CCR9: variants seen among roughly 807,000 people sequenced by gnomAD.
CCR9 encodes the protein C-C motif chemokine receptor 9.
A neutral mutation model predicts 8.7 loss-of-function variants in CCR9; 4 were observed. That is an observed-to-expected ratio of 0.46 (90% confidence interval 0.23 to 1.06). The LOEUF (loss-of-function observed/expected upper bound fraction) is 1.06. CCR9 is among the 50% of genes least tolerant of loss of function. The pLI is 0.21. For synonymous variants in CCR9, 159 were observed against 168.8 expected, an observed-to-expected ratio of 0.94 and a Z score of 0.45; for missense variants, 394 against 453.6, an observed-to-expected ratio of 0.87 and a Z score of 1.19.
rs1027212565 is a variant in CCR9, at chr3:45,900,971, G to T, written c.183G>T (p.Val61=). The change falls in exon 3 of 3, where the codon GTG becomes GTT. Residue 61 remains valine, a synonymous_variant. Coordinates refer to ENST00000357632, the MANE Select transcript of CCR9 (RefSeq NM_031200.3). This position sits in a 1 kb window ranked among gnomAD's most constrained non-coding sequence, Gnocchi z 4.7. The part of the protein sequence containing the change: ...LPPLYWLVFI[V]GALGNSLVIL... ...CCTTGTACTGGCTCGTGTTCATCGT[G>T]GGTGCCTTGGGCAACAGTCTTGTTA... 6.2e-7 allele frequency: 1 copy of T among 1,614,024 alleles called. No individual in the cohort carries two copies. Among genetic ancestry groups the T allele is most frequent in the African/African-American group, 1.3e-5 (1 of 74,910 alleles).
intron 1 of CCR9, among the ~76,000 whole-genome samples, chr3:45,887,933 G>C (rs770223545): frequency 6.6e-6 from 1 of 152,218 alleles, no homozygotes; most frequent in African/African-American, 2.4e-5. Flanking sequence ...ATTGTACAAA[G>C]TTCAAAGTAA....
chr3:45,887,251 C>CTGTG (rs36040178), intron 1 of CCR9, among the ~76,000 whole-genome samples: 3,054 of 149,200 alleles, frequency 0.02, 52 homozygotes, highest in Non-Finnish European at 0.03. Flanking sequence ...GCGTGTGTGT[C>CTGTG]TGTGTGTGTG....
At chr3:45,890,314 TA>T (rs1702125663) in intron 1 of CCR9, among the ~76,000 whole-genome samples, 1 of 61,888 alleles carries the variant, frequency 1.6e-5, no homozygotes, top group African/African-American at 8.8e-5. Context: ...CATATATATA[TA>T]TTTATATAAA....
chr3:45,898,088 C>T (rs537009347), intron 2 of CCR9, among the ~76,000 whole-genome samples: 5 of 151,808 alleles, frequency 3.3e-5, no homozygotes, highest in Non-Finnish European at 7.4e-5. Context: ...ACAGTCGGTA[C>T]TTGCTCATCT....
intron 2 of CCR9, 74 bp downstream of exon 2, chr3:45,895,028 T>A: frequency 7.0e-7 from 1 of 1,431,206 alleles, no homozygotes; most frequent in Non-Finnish European, 9.9e-7. Flanking sequence ...GTGGGAAGGA[T>A]CCACTGTGGG....
intron 2 of CCR9, chr3:45,897,712 T>C: frequency 1.0e-6 from 1 of 995,642 alleles, no homozygotes; most frequent in Non-Finnish European, 1.4e-6. Flanking sequence ...AAGTCGTCCC[T>C]TGTGCTTGTC....
In CCR9 at chr3:45,902,089, G is replaced by A. The variant is rs1294136786; in HGVS notation, c.*191G>A. On this transcript the variant is annotated 3_prime_UTR_variant, in exon 3 of 3. Transcript: ENST00000357632. ...CAAAATCAACTGACTAGTGCAGGAG[G>A]CTGTTGATTGGCTCTTGACTGTGAT... is the stretch of plus-strand genomic sequence containing the variant. 3.6e-6 allele frequency: 2 copies of A among 559,866 alleles called. No individual in the cohort carries two copies. The highest frequency in any genetic ancestry group is 3.8e-5 in the African/African-American group (2 of 52,744). The allele number at this position is 559,866 out of a possible 1,614,324, so 34.7% of individuals were successfully genotyped here.
intron 1 of CCR9, among the ~76,000 whole-genome samples, chr3:45,890,491 A>C (rs1279770568): frequency 6.7e-6 from 1 of 149,106 alleles, no homozygotes; most frequent in African/African-American, 2.5e-5. Flanking sequence ...CATCTGGGGC[A>C]AAAAAAAGAA....
At position 45,901,918 on chromosome 3, in the gene CCR9, A is replaced by G. The variant is rs1702573785; in HGVS notation, c.*20A>G. On this transcript the variant is annotated 3_prime_UTR_variant, in exon 3 of 3. Coordinates refer to ENST00000357632, the MANE Select transcript of CCR9 (RefSeq NM_031200.3). This position sits in a 1 kb window ranked among gnomAD's most constrained non-coding sequence, Gnocchi z 4.3. ...CTCTGAGGGGTCTTCTCTGAGGTGC[A>G]TGGTTCTTTTGGAAGAAATGAGAAA... is the stretch of plus-strand genomic sequence containing the variant. 1.3e-6 allele frequency: 2 copies of G among 1,538,080 alleles called. No homozygotes were observed. Among genetic ancestry groups the G allele is most frequent in the South Asian group, 2.5e-5 (2 of 79,264 alleles).
chr3:45,900,960 GT>G lies in CCR9; in HGVS notation c.173del (p.Val58GlyfsTer22). ...TTTCCTCCCACCCTTGTACTGGCTC[GT>G]GTTCATCGTGGGTGCCTTGGGCAAC... ...SHFLPPLYWL[V>X]FIVGALGNSL... On this transcript the variant is annotated frameshift_variant, in exon 3 of 3. Transcript: ENST00000357632. LOFTEE classifies it low-confidence loss of function (END_TRUNC). This position sits in a 1 kb window ranked among gnomAD's most constrained non-coding sequence, Gnocchi z 4.7. The G allele has an allele frequency of 6.2e-7, 1 of 1,610,850 alleles. No homozygotes were observed.
intron 2 of CCR9, among the ~76,000 whole-genome samples, chr3:45,895,891 G>C (rs936029343): frequency 3.3e-5 from 5 of 152,166 alleles, no homozygotes; most frequent in Admixed American, 1.3e-4. Context: ...GGGAAAGCCT[G>C]GGTTTTACAT....
At chr3:45,896,082 C>T (rs1702347345) in intron 2 of CCR9, among the ~76,000 whole-genome samples, 1 of 152,174 alleles carries the variant, frequency 6.6e-6, no homozygotes, top group Non-Finnish European at 1.5e-5. Flanking sequence ...CACCTATATC[C>T]ATAACAACAA....
chr3:45,900,959 C>A lies in CCR9; in HGVS notation c.171C>A (p.Leu57=). 6.2e-7 allele frequency: 1 copy of A among 1,614,192 alleles called. No homozygotes were observed. The highest frequency in any genetic ancestry group is 8.5e-7 in the Non-Finnish European group (1 of 1,180,024). The change falls in exon 3 of 3, where the codon CTC becomes CTA. Residue 57 remains leucine (L), a synonymous_variant. Coordinates refer to ENST00000357632, the MANE Select transcript of CCR9 (RefSeq NM_031200.3). The surrounding 1 kb of genome is among the most constrained non-coding windows in gnomAD (Gnocchi z 4.7). ...ATTTCCTCCCACCCTTGTACTGGCT[C>A]GTGTTCATCGTGGGTGCCTTGGGCA... ...ASHFLPPLYW[L]VFIVGALGNS... is the part of the protein sequence containing the mutation.
rs1201223617 is a variant in CCR9 at position 45,890,315 on chromosome 3, ATT to A, written c.-29+3662_-29+3663del. ...AAATATATATATAACATATATATAT[ATT>A]TATATAAATATATATATAACATATA... On this transcript the variant is annotated intron_variant, in intron 1 of 2. Transcript: ENST00000357632. 8.4e-5 allele frequency among the ~76,000 whole-genome samples: 5 copies of A among 59,340 alleles called. 1 individual carries two copies. Among genetic ancestry groups the A allele is most frequent in the African/African-American group, 2.9e-4 (3 of 10,258 alleles). The allele number at this position is 59,340 out of a possible 152,430, so 38.9% of individuals were successfully genotyped here. A position where few individuals can be genotyped will look rare whatever the true frequency, so the allele number is the denominator to read the frequency against.
Position 45,897,917 on chromosome 3 carries a change from G to A in CCR9, c.22-2893G>A, listed in dbSNP as rs375992321. On this transcript the variant is annotated intron_variant, in intron 2 of 2. Coordinates refer to ENST00000357632, the MANE Select transcript of CCR9 (RefSeq NM_031200.3). ...GGCCCTCATCTGTGAGGCTGCTTGC[G>A]ATTTGCTTCACAGCCGTGGGCTCAG... Among the ~76,000 whole-genome samples, 8 of 140,160 alleles carry A rather than the reference G, an allele frequency of 5.7e-5. No individual in the cohort carries two copies. In the East Asian group the frequency reaches 8.7e-4, roughly 15 times the overall value. The allele number at this position is 140,160 out of a possible 152,430, so 92.0% of individuals were successfully genotyped here.
chr3:45,897,742 C>T (rs551673028), intron 2 of CCR9: 2 of 654,894 alleles, frequency 3.1e-6, no homozygotes, highest in Non-Finnish European at 5.1e-6. Context: ...AGCATGCCCT[C>T]TTTCCTCCCT....
intron 1 of CCR9, among the ~76,000 whole-genome samples, chr3:45,887,029 G>C (rs1173029198): frequency 6.6e-6 from 1 of 152,138 alleles, no homozygotes; most frequent in Non-Finnish European, 1.5e-5. Flanking sequence ...ATTCTTTGTA[G>C]CAGTGAAAAA....
At chr3:45,898,173 G>T (rs1428176124) in intron 2 of CCR9, among the ~76,000 whole-genome samples, 1 of 152,080 alleles carries the variant, frequency 6.6e-6, no homozygotes, top group Non-Finnish European at 1.5e-5. Flanking sequence ...CCACTGTGGG[G>T]TCTCCATGCT....
At chr3:45,897,951 G>T (rs1702413164) in intron 2 of CCR9, among the ~76,000 whole-genome samples, 1 of 130,558 alleles carries the variant, frequency 7.7e-6, no homozygotes, top group African/African-American at 2.8e-5. Flanking sequence ...AGGCTCATGT[G>T]AGAGTCTATT....
Sources: gnomAD v4.1 joint callset for allele counts (sites outside exome capture counted in the v4.1 genomes callset) on GRCh38, gnomAD v4.1.1 for gene constraint, Gnocchi (gnomAD v3.1) non-coding constraint, MANE v1.5 for transcripts, NCBI Gene and HGNC (gene_info 2026-07-23, HGNC 2026-07-21) for gene names.